IQCM: variants seen among roughly 807,000 people sequenced by gnomAD.
IQCM encodes the protein IQ motif containing M.
A neutral mutation model predicts 57.6 loss-of-function variants in IQCM; 45 were observed. That is an observed-to-expected ratio of 0.78 (90% CI 0.62 to 1.00). The LOEUF (loss-of-function observed/expected upper bound fraction) is 1.00. IQCM is among the 50% of genes least tolerant of loss of function. The pLI, the probability that IQCM is intolerant of heterozygous loss-of-function variation, is 0.00. For missense variants in IQCM, 468 were observed against 511.6 expected, an observed-to-expected ratio of 0.91 and a Z score of 0.82; for synonymous variants, 148 against 158.9, an observed-to-expected ratio of 0.93 and a Z score of 0.51.
At chr4:149,723,188 G>A (rs1287998689) in intron 5 of IQCM, among the ~76,000 whole-genome samples, 1 of 151,894 alleles carries the variant, frequency 6.6e-6, no homozygotes, top group South Asian at 2.1e-4. Flanking sequence ...GTCTTTTGGA[G>A]GAGTCTTTAG....
At chr4:149,796,588 T>A (rs1773136396) in intron 2 of IQCM, among the ~76,000 whole-genome samples, 1 of 152,110 alleles carries the variant, frequency 6.6e-6, no homozygotes, top group African/African-American at 2.4e-5. Context: ...TAGGGAGTGA[T>A]TACATCAGGC....
chr4:149,807,683 C>T (rs1441432344), intron 2 of IQCM, among the ~76,000 whole-genome samples: 1 of 151,878 alleles, frequency 6.6e-6, no homozygotes. Flanking sequence ...AACTACCCAT[C>T]TGACAAGGAA....
chr4:149,728,309 C>T (rs940027379), intron 5 of IQCM, among the ~76,000 whole-genome samples: 13 of 152,160 alleles, frequency 8.5e-5, no homozygotes, highest in African/African-American at 2.9e-4. Flanking sequence ...GTCTTGCAGA[C>T]ACACAGTCCA....
chr4:149,712,691 A>C (rs1764661767), intron 5 of IQCM, among the ~76,000 whole-genome samples: 1 of 152,136 alleles, frequency 6.6e-6, no homozygotes, highest in Non-Finnish European at 1.5e-5. Flanking sequence ...AACCAATCTG[A>C]TGGAAGGTGT....
intron 13 of IQCM, among the ~76,000 whole-genome samples, chr4:149,379,470 A>C (rs1730929118): frequency 6.6e-6 from 1 of 152,178 alleles, no homozygotes; most frequent in Non-Finnish European, 1.5e-5. Context: ...CATGACCCAG[A>C]TGTGAGACAT....
chr4:149,529,788 C>A (rs776348307), intron 12 of IQCM, among the ~76,000 whole-genome samples: 1 of 152,150 alleles, frequency 6.6e-6, no homozygotes, highest in Non-Finnish European at 1.5e-5. Flanking sequence ...ATTCTTCATG[C>A]TTCCTCTTTT....
chr4:149,656,148 G>A (rs1222402222), intron 7 of IQCM, among the ~76,000 whole-genome samples: 1 of 151,908 alleles, frequency 6.6e-6, no homozygotes, highest in Non-Finnish European at 1.5e-5. Flanking sequence ...TCAAAGGAGA[G>A]CATACATAAA....
At chr4:149,576,168 T>C (rs1380870306) in intron 9 of IQCM, among the ~76,000 whole-genome samples, 1 of 151,850 alleles carries the variant, frequency 6.6e-6, no homozygotes, top group Non-Finnish European at 1.5e-5. Flanking sequence ...TTTTCAGGTT[T>C]AGGGTGTACC....
At chr4:149,516,883 A>C (rs537457878) in intron 12 of IQCM, among the ~76,000 whole-genome samples, 86 of 152,102 alleles carry the variant, frequency 5.7e-4, no homozygotes, top group Non-Finnish European at 1.0e-3. Flanking sequence ...CTAAGAAGGG[A>C]GTTACAGTGT....
At chr4:149,500,626 A>G (rs1461719944) in intron 12 of IQCM, among the ~76,000 whole-genome samples, 1 of 152,182 alleles carries the variant, frequency 6.6e-6, no homozygotes, top group Non-Finnish European at 1.5e-5. Flanking sequence ...TGGGCTCCAG[A>G]AACCATAGAA....
chr4:149,472,560 A>G (rs1466585780), intron 12 of IQCM, among the ~76,000 whole-genome samples: 5 of 152,228 alleles, frequency 3.3e-5, no homozygotes, highest in Admixed American at 3.3e-4. Flanking sequence ...GGTAATTTAT[A>G]GATTCAATAC....
intron 13 of IQCM, among the ~76,000 whole-genome samples, chr4:149,424,277 A>G (rs1023448953): frequency 1.3e-5 from 2 of 151,858 alleles, no homozygotes; most frequent in African/African-American, 4.8e-5. Context: ...GAAAGGCTAT[A>G]TTTTACTTTG....
intron 11 of IQCM, among the ~76,000 whole-genome samples, chr4:149,550,607 A>C (rs1748936267): frequency 6.6e-6 from 1 of 152,192 alleles, no homozygotes; most frequent in African/African-American, 2.4e-5. Context: ...AGCAACATGC[A>C]AGGATAATTA....
chr4:149,568,704 A>G (rs921672222), intron 9 of IQCM, among the ~76,000 whole-genome samples: 13 of 152,122 alleles, frequency 8.5e-5, no homozygotes. Context: ...GCCCAAACCC[A>G]GGAAGTCAAG....
chr4:149,494,949 T>C (rs1433633910), intron 12 of IQCM, among the ~76,000 whole-genome samples: 1 of 152,082 alleles, frequency 6.6e-6, no homozygotes, highest in African/African-American at 2.4e-5. Context: ...AAACCACTCA[T>C]GGTCTACTGT....
intron 9 of IQCM, among the ~76,000 whole-genome samples, chr4:149,583,669 T>C (rs2149991410): frequency 6.6e-6 from 1 of 151,758 alleles, no homozygotes; most frequent in African/African-American, 2.4e-5. Context: ...TTAGAGGTAC[T>C]AAACAAATTC....
intron 7 of IQCM, among the ~76,000 whole-genome samples, chr4:149,665,075 G>T (rs1295984790): frequency 6.6e-6 from 1 of 152,170 alleles, no homozygotes; most frequent in Non-Finnish European, 1.5e-5. Flanking sequence ...CCATGTGAAT[G>T]TGGTGGAACA....
At chr4:149,523,725 T>A (rs1448154359) in intron 12 of IQCM, among the ~76,000 whole-genome samples, 2 of 152,050 alleles carry the variant, frequency 1.3e-5, no homozygotes, top group African/African-American at 2.4e-5. Flanking sequence ...GACTGACTGA[T>A]AGATTTATAT....
intron 5 of IQCM, among the ~76,000 whole-genome samples, chr4:149,730,255 G>A (rs1190166648): frequency 6.6e-6 from 1 of 152,102 alleles, no homozygotes; most frequent in African/African-American, 2.4e-5. Context: ...TCTAATGTGT[G>A]TAAAATCTCT....
Sources: gnomAD v4.1 joint callset for allele counts (sites outside exome capture counted in the v4.1 genomes callset) on GRCh38, gnomAD v4.1.1 for gene constraint, MANE v1.5 for transcripts, NCBI Gene and HGNC (gene_info 2026-07-23, HGNC 2026-07-21) for gene names.